Variants in ABHD17A observed in about 807,000 individuals in gnomAD.
ABHD17A encodes abhydrolase domain containing 17A, depalmitoylase, also known as alpha/beta hydrolase domain-containing protein 17A.
A neutral mutation model predicts 26.8 loss-of-function variants in ABHD17A; 10 were observed. The ratio of observed to expected loss-of-function variants is 0.37; its 90% CI spans 0.23 to 0.63. ABHD17A has a LOEUF of 0.63. Ranked by LOEUF, ABHD17A falls within the 30% of genes least tolerant of loss-of-function variation. The pLI is 0.61. For synonymous variants in ABHD17A, 167 were observed against 210.9 expected, an observed-to-expected ratio of 0.79 and a Z score of 1.80; for missense variants, 292 against 457.3, an observed-to-expected ratio of 0.64 and a Z score of 3.30.
In ABHD17A at chr19:1,880,247, G is replaced by A; in HGVS notation, c.333-132C>T. ...GCCTCATTTACTCCCCTCCCAAGGG[G>A]GCCAGAAGCCAGTGAATGGAGAGGG... On this transcript the variant is annotated intron_variant, in intron 2 of 4. Coordinates refer to ENST00000292577, the MANE Select transcript of ABHD17A (RefSeq NM_001130111.2). This position sits in a 1 kb window ranked among gnomAD's most constrained non-coding sequence, Gnocchi z 4.1. 1 of 934,588 alleles carries A rather than the reference G, an allele frequency of 1.1e-6. No homozygotes were observed. Among genetic ancestry groups the A allele is most frequent in the African/African-American group, 1.7e-5 (1 of 60,360 alleles). 57.9% of individuals were successfully genotyped at this position (934,588 alleles called of 1,614,324 possible).
chr19:1,877,921 C>A, intron 3 of ABHD17A: 1 of 538,672 alleles, frequency 1.9e-6, no homozygotes, highest in Admixed American at 3.4e-5. Context: ...CGTTCACTGG[C>A]GTTTCCTAGC....
Position 1,877,411 on chromosome 19 carries a change from G to A in ABHD17A, c.722C>T (p.Ser241Phe), listed in dbSNP as rs1286898598. ...FDAFPNIEKV[S>F]KITSPVLIIH... ...GATGAGCACGGGAGACGTGATCTTG[G>A]ACACCTTCTCGATGCTGCGGGAGGG... The change falls in exon 5 of 5, where the codon TCC (serine) becomes TTC (phenylalanine). Residue 241 changes from serine (S) to phenylalanine (F), a missense_variant. Ser to Phe is a radical substitution (Grantham distance 155, BLOSUM62 -2). This residue lies in a region of ABHD17A where 88 missense variants were observed against 134.3 expected (regional missense o/e 0.66). Coordinates refer to ENST00000292577, the MANE Select transcript of ABHD17A (RefSeq NM_001130111.2). 1.9e-6 allele frequency: 3 copies of A among 1,567,380 alleles called. No individual in the cohort carries two copies. In the African/African-American group the frequency reaches 4.0e-5, roughly 21 times the overall value.
Position 1,877,510 on chromosome 19 carries a change from A to G in ABHD17A, c.705T>C (p.Pro235=), listed in dbSNP as rs1411568234. 1 of 1,592,420 alleles carries G rather than the reference A, an allele frequency of 6.3e-7. No individual in the cohort carries two copies. Among genetic ancestry groups the G allele is most frequent in the Admixed American group, 1.7e-5 (1 of 59,678 alleles). ...CCGTCCCCGCCCGGGCCGCTCACTT[A>G]GGGAAGGCGTCGAAGCAGTAGGTCT... ...TKKTYCFDAF[P]NIEKVSKITS... Residue 235 remains proline (P), a splice_region_variant and synonymous_variant, in exon 4 of 5, where the codon CCT becomes CCC. Transcript: ENST00000292577.
rs2012502824 is a variant in ABHD17A, at chr19:1,880,874, T to C, written c.332+361A>G. The C allele has an allele frequency of 1.2e-6, 2 of 1,612,602 alleles. No homozygotes were observed. The highest frequency in any genetic ancestry group is 2.2e-5 in the East Asian group (1 of 44,880). On this transcript the variant is annotated intron_variant, in intron 2 of 4. Coordinates refer to ENST00000292577, the MANE Select transcript of ABHD17A (RefSeq NM_001130111.2). This position sits in a 1 kb window ranked among gnomAD's most constrained non-coding sequence, Gnocchi z 4.1. ...GAAGGTAAAGGCTCGCCCTCTGGAC[T>C]CAGATCTGGTCAGAACCCCACCTGG...
At chr19:1,878,958 T>C (rs2012446937) in intron 3 of ABHD17A, 1 of 152,202 alleles carries the variant, frequency 6.6e-6, no homozygotes, top group African/African-American at 2.4e-5. Context: ...AGCTCAGAGC[T>C]GGCCATGGCA....
rs781234558 is a variant in ABHD17A at position 1,881,574 on chromosome 19, G to A, written c.-8C>T. On this transcript the variant is annotated 5_prime_UTR_variant, in exon 2 of 5. Coordinates refer to ENST00000292577, the MANE Select transcript of ABHD17A (RefSeq NM_001130111.2). Reference sequence around the variant, plus strand: ...CAGCGACAGCCCATTCATGGCGGGCGCCGCCCAGGCCGGGCCTCCACCGGG... The same window carrying A: ...CAGCGACAGCCCATTCATGGCGGGCACCGCCCAGGCCGGGCCTCCACCGGG... The A allele has an allele frequency of 8.9e-6, 14 of 1,573,354 alleles. No individual in the cohort carries two copies. In the East Asian group the frequency reaches 1.2e-4, roughly 13 times the overall value.
chr19:1,881,093 G>C (rs780445864), intron 2 of ABHD17A, 142 bp downstream of exon 2: 2 of 1,576,980 alleles, frequency 1.3e-6, no homozygotes, highest in South Asian at 1.2e-5. Context: ...CCTGACGGGG[G>C]ATACCACCCT....
At chr19:1,884,438 A>T (rs555445480) in intron 1 of ABHD17A, among the ~76,000 whole-genome samples, 7 of 152,212 alleles carry the variant, frequency 4.6e-5, no homozygotes, top group Non-Finnish European at 1.0e-4. Flanking sequence ...GACACCCTGA[A>T]TCCCACCAAT....
At position 1,881,720 on chromosome 19, in the gene ABHD17A, G is replaced by C. The variant is rs2012543380; in HGVS notation, c.-154C>G. Reference sequence around the variant, plus strand: ...GCCCCAGACAGCAGCCCCGTTAGGAGGCCAGGGCCCAGCCCCATCGCGGTC... The same window carrying C: ...GCCCCAGACAGCAGCCCCGTTAGGACGCCAGGGCCCAGCCCCATCGCGGTC... On this transcript the variant is annotated 5_prime_UTR_variant, in exon 2 of 5. Coordinates refer to ENST00000292577, the MANE Select transcript of ABHD17A (RefSeq NM_001130111.2). The C allele has an allele frequency of 8.9e-7, 1 of 1,121,872 alleles. No homozygotes were observed. Among genetic ancestry groups the C allele is most frequent in the Non-Finnish European group, 1.2e-6 (1 of 841,924 alleles). The allele number at this position is 1,121,872 out of a possible 1,614,324, so 69.5% of individuals were successfully genotyped here.
chr19:1,880,845 G>T lies in ABHD17A; in HGVS notation c.332+390C>A. 1 of 1,607,218 alleles carries T rather than the reference G, an allele frequency of 6.2e-7. No individual in the cohort carries two copies. The highest frequency in any genetic ancestry group is 8.5e-7 in the Non-Finnish European group (1 of 1,176,134). ...TTCCCCCAGGCCCCCACCTAGCCCA[G>T]CCAGAAGGTAAAGGCTCGCCCTCTG... On this transcript the variant is annotated intron_variant, in intron 2 of 4. Coordinates refer to ENST00000292577, the MANE Select transcript of ABHD17A (RefSeq NM_001130111.2). The surrounding 1 kb of genome is among the most constrained non-coding windows in gnomAD (Gnocchi z 4.1).
intron 2 of ABHD17A, 137 bp downstream of exon 2, chr19:1,881,098 C>A: frequency 6.4e-7 from 1 of 1,574,218 alleles, no homozygotes; most frequent in Non-Finnish European, 8.6e-7. Context: ...CGGGGGATAC[C>A]ACCCTTGCTG....
intron 1 of ABHD17A, chr19:1,883,285 G>C (rs1346115522): frequency 6.6e-6 from 1 of 152,244 alleles, no homozygotes; most frequent in African/African-American, 2.4e-5. Context: ...CACAGTTTTG[G>C]GTGTCACCAC....
intron 1 of ABHD17A, among the ~76,000 whole-genome samples, chr19:1,885,020 G>A (rs2012639560): frequency 6.6e-6 from 1 of 152,222 alleles, no homozygotes; most frequent in Non-Finnish European, 1.5e-5. Context: ...TGGGGGGCGA[G>A]AGGCCGAAGC....
At chr19:1,881,120 C>A in intron 2 of ABHD17A, 115 bp downstream of exon 2, 4 of 1,567,878 alleles carry the variant, frequency 2.6e-6, no homozygotes, top group Non-Finnish European at 3.5e-6. Context: ...CTGGATGGCC[C>A]TTCACGGCAG....
chr19:1,877,438 C>T lies in ABHD17A; in HGVS notation c.708-13G>A, dbSNP rs1293626330. On this transcript the variant is annotated splice_polypyrimidine_tract_variant and intron_variant, in intron 4 of 4. Coordinates refer to ENST00000292577, the MANE Select transcript of ABHD17A (RefSeq NM_001130111.2). ...CACCTTCTCGATGCTGCGGGAGGGT[C>T]GTGGAGCCGGTGAGACTTCGCGCCC... The T allele has an allele frequency of 1.9e-6, 3 of 1,563,754 alleles. No homozygotes were observed. Among genetic ancestry groups the T allele is most frequent in the Non-Finnish European group, 2.6e-6 (3 of 1,161,772 alleles).
intron 1 of ABHD17A, among the ~76,000 whole-genome samples, chr19:1,884,597 C>T (rs999421857): frequency 5.3e-5 from 8 of 152,136 alleles, no homozygotes; most frequent in African/African-American, 1.9e-4. Context: ...GGTGGGAAAC[C>T]CGCCTGGGGG....
Position 1,877,278 on chromosome 19 carries a change from G to T in ABHD17A, c.855C>A (p.Asn285Lys), listed in dbSNP as rs754721985. 4.6e-6 allele frequency: 7 copies of T among 1,537,020 alleles called. No homozygotes were observed. Among genetic ancestry groups the T allele is most frequent in the Non-Finnish European group, 6.1e-6 (7 of 1,146,326 alleles). Residue 285 changes from asparagine to lysine, a missense_variant, in exon 5 of 5, where the codon AAC (asparagine) becomes AAA (lysine). Coordinates refer to ENST00000292577, the MANE Select transcript of ABHD17A (RefSeq NM_001130111.2). ...GGTACTGGCTGTAGAGCTCGATGTCGTTGTGCCCGGCGCCCTCCACCCACA... is the reference window on the plus strand; with the variant it reads ...GGTACTGGCTGTAGAGCTCGATGTCTTTGTGCCCGGCGCCCTCCACCCACA... ...EPLWVEGAGH[N>K]DIELYSQYLE...
chr19:1,884,403 C>A (rs1223238871), intron 1 of ABHD17A, among the ~76,000 whole-genome samples: 1 of 152,126 alleles, frequency 6.6e-6, no homozygotes, highest in Admixed American at 6.6e-5. Flanking sequence ...AACCCAGACG[C>A]CTCACTCACT....
In ABHD17A at chr19:1,880,882, G is replaced by A; in HGVS notation, c.332+353C>T. On this transcript the variant is annotated intron_variant, in intron 2 of 4. Coordinates refer to ENST00000292577, the MANE Select transcript of ABHD17A (RefSeq NM_001130111.2). The surrounding 1 kb of genome is among the most constrained non-coding windows in gnomAD (Gnocchi z 4.1). The stretch of plus-strand genomic sequence containing the variant: ...AGGCTCGCCCTCTGGACTCAGATCT[G>A]GTCAGAACCCCACCTGGCGAGAAGG... 6.2e-7 allele frequency: 1 copy of A among 1,612,968 alleles called. No homozygotes were observed. The highest frequency in any genetic ancestry group is 1.1e-5 in the South Asian group (1 of 91,080).
Sources: gnomAD v4.1 joint callset for allele counts (sites outside exome capture counted in the v4.1 genomes callset) on GRCh38, gnomAD v4.1.1 for gene constraint, gnomAD v4.1.1 regional missense constraint, Gnocchi (gnomAD v3.1) non-coding constraint, MANE v1.5 for transcripts, NCBI Gene and HGNC (gene_info 2026-07-23, HGNC 2026-07-21) for gene names.